Variants in DNAH2 observed in about 807,000 individuals in gnomAD.
DNAH2 encodes the protein dynein axonemal heavy chain 2.
A neutral mutation model predicts 523.5 loss-of-function variants in DNAH2; 323 were observed. The ratio of observed to expected loss-of-function variants is 0.62; its 90% CI spans 0.56 to 0.68. The LOEUF (loss-of-function observed/expected upper bound fraction) is 0.68. Ranked by LOEUF, DNAH2 falls within the 30% of genes least tolerant of loss-of-function variation. The pLI is 0.00. For synonymous variants in DNAH2, 2,093 were observed against 2,177.4 expected, an observed-to-expected ratio of 0.96 and a Z score of 1.08; for missense variants, 4,907 against 5,701.5, an observed-to-expected ratio of 0.86 and a Z score of 4.49.
chr17:7,739,338 G>A (rs1056256135), intron 8 of DNAH2, among the ~76,000 whole-genome samples: 4 of 152,104 alleles, frequency 2.6e-5, no homozygotes, highest in African/African-American at 4.8e-5. Flanking sequence ...CCCGGGAAGC[G>A]GAGGTTGCAG....
chr17:7,772,228 A>G (rs2076338235), intron 28 of DNAH2, among the ~76,000 whole-genome samples: 1 of 151,804 alleles, frequency 6.6e-6, no homozygotes, highest in South Asian at 2.1e-4. Flanking sequence ...GGTGCAGAGG[A>G]CCTCTTTATT....
intron 7 of DNAH2, among the ~76,000 whole-genome samples, chr17:7,736,349 C>G (rs1381697008): frequency 1.3e-5 from 2 of 152,144 alleles, no homozygotes; most frequent in African/African-American, 4.8e-5. Flanking sequence ...GAGCCTAAAG[C>G]CCTGGCTGAG....
chr17:7,805,913 C>A (rs2077355076), intron 61 of DNAH2, among the ~76,000 whole-genome samples: 2 of 152,080 alleles, frequency 1.3e-5, no homozygotes, highest in Admixed American at 1.3e-4. Context: ...TACAAAGTTA[C>A]CTATTTCTTT....
At position 7,734,240 on chromosome 17, in the gene DNAH2, A is replaced by G; in HGVS notation, c.686A>G (p.Asn229Ser). The G allele has an allele frequency of 2.5e-6, 4 of 1,607,558 alleles. No homozygotes were observed. The highest frequency in any genetic ancestry group is 3.4e-6 in the Non-Finnish European group (4 of 1,176,820). ...TVLYIPAEAM[N>S]MKPEMVIKDK... ...CTCTACATCCCTGCAGAGGCCATGA[A>G]CATGAAGCCTGAGATGGTGATAAAG... The change falls in exon 6 of 86, where the codon AAC (asparagine) becomes AGC (serine). Residue 229 changes from asparagine to serine, a missense_variant. Transcript: ENST00000572933.
intron 44 of DNAH2, among the ~76,000 whole-genome samples, chr17:7,789,376 C>A: frequency 6.6e-6 from 1 of 152,086 alleles, no homozygotes; most frequent in East Asian, 1.9e-4. Flanking sequence ...AGCTGGTGGT[C>A]TGTAGCCGGA....
rs1280761876 is a variant in DNAH2, at chr17:7,821,702, G to A, written c.11142+333G>A. Among the ~76,000 whole-genome samples, 1 of 152,040 alleles carries A rather than the reference G, an allele frequency of 6.6e-6. No homozygotes were observed. Among genetic ancestry groups the A allele is most frequent in the Non-Finnish European group, 1.5e-5 (1 of 67,994 alleles). On this transcript the variant is annotated intron_variant, in intron 73 of 85. Coordinates refer to ENST00000572933, the MANE Select transcript of DNAH2 (RefSeq NM_020877.5). This position sits in a 1 kb window ranked among gnomAD's most constrained non-coding sequence, Gnocchi z 5.0. ...TCGCCCTCACAATCTCTCCCTCACAGGCTCCTCAACCCCAGCTTTTCTCCT... is the reference window on the plus strand; with the variant it reads ...TCGCCCTCACAATCTCTCCCTCACAAGCTCCTCAACCCCAGCTTTTCTCCT...
intron 12 of DNAH2, among the ~76,000 whole-genome samples, chr17:7,751,816 T>C (rs2151179446): frequency 6.6e-6 from 1 of 152,278 alleles, no homozygotes; most frequent in South Asian, 2.1e-4. Flanking sequence ...GTTCCAAAAA[T>C]AGTCTCATTC....
At position 7,776,898 on chromosome 17, in the gene DNAH2, C is replaced by T; in HGVS notation, c.5058+9C>T. ...TCATGAAGAAGAACCAGGTGAGAGGCTGGGCGCACTGGCTCATGCTTGTAA... is the reference window on the plus strand; with the variant it reads ...TCATGAAGAAGAACCAGGTGAGAGGTTGGGCGCACTGGCTCATGCTTGTAA... On this transcript the variant is annotated intron_variant, in intron 32 of 85. Coordinates refer to ENST00000572933, the MANE Select transcript of DNAH2 (RefSeq NM_020877.5). 1 of 1,599,794 alleles carries T rather than the reference C, an allele frequency of 6.3e-7. No individual in the cohort carries two copies.
chr17:7,815,177 T>A (rs9907759), intron 63 of DNAH2, among the ~76,000 whole-genome samples: 1 of 152,044 alleles, frequency 6.6e-6, no homozygotes, highest in South Asian at 2.1e-4. Context: ...AGTGCTTGGG[T>A]CAGGTAGTGC....
At position 7,831,089 on chromosome 17, in the gene DNAH2, G is replaced by T. The variant is rs760455038; in HGVS notation, c.12234G>T (p.Leu4078Phe). ...DQSLSTPFHR[L>F]SALETYFIPK... ...TAATTATGCTATGACTCCCTAGGTT[G>T]TCAGCACTGGAGACTTATTTCATCC... Residue 4078 changes from leucine to phenylalanine, a missense_variant, in exon 80 of 86, where the codon TTG becomes TTT. Leu to Phe is a conservative substitution (Grantham distance 22, BLOSUM62 0). Around this residue, in one of 3 missense-constraint regions of DNAH2, gnomAD observed 1,851 missense variants for 2,139.4 expected, o/e 0.87. Transcript: ENST00000572933. The surrounding 1 kb of genome is among the most constrained non-coding windows in gnomAD (Gnocchi z 4.2). The T allele has an allele frequency of 1.1e-5, 17 of 1,612,824 alleles. No homozygotes were observed. The East Asian group carries it at 3.6e-4, about 34-fold the overall frequency.
At chr17:7,723,239 G>A (rs1340962475) in intron 2 of DNAH2, among the ~76,000 whole-genome samples, 1 of 141,704 alleles carries the variant, frequency 7.1e-6, no homozygotes, top group East Asian at 2.1e-4. Context: ...CAAAGTGCTG[G>A]GATTACAGGT....
chr17:7,759,091 C>A lies in DNAH2; in HGVS notation c.2415C>A (p.Asn805Lys), dbSNP rs775212262. Residue 805 changes from asparagine (N) to lysine (K), a missense_variant, in exon 15 of 86, where the codon AAC (asparagine) becomes AAA (lysine). Around this residue, in one of 3 missense-constraint regions of DNAH2, gnomAD observed 2,806 missense variants for 3,190.8 expected, o/e 0.88. Coordinates refer to ENST00000572933, the MANE Select transcript of DNAH2 (RefSeq NM_020877.5). ...AGGATGTGGTGACCATCATGACCAACTCCTATGAGGTCTTCAAGAATGATG... is the reference window on the plus strand; with the variant it reads ...AGGATGTGGTGACCATCATGACCAAATCCTATGAGGTCTTCAAGAATGATG... ...LHQDVVTIMT[N>K]SYEVFKNDGP... 6.2e-7 allele frequency: 1 copy of A among 1,614,190 alleles called. No homozygotes were observed. Among genetic ancestry groups the A allele is most frequent in the South Asian group, 1.1e-5 (1 of 91,078 alleles).
rs762091263 is a variant in DNAH2, at chr17:7,758,971, CATT to C, written c.2297_2299del (p.Ile766del). 36 of 1,614,016 alleles carry C rather than the reference CATT, an allele frequency of 2.2e-5. No individual in the cohort carries two copies. Among genetic ancestry groups the C allele is most frequent in the Non-Finnish European group, 2.5e-6 (3 of 1,180,024 alleles). On this transcript the variant is annotated inframe_deletion, in exon 15 of 86. Transcript: ENST00000572933. The stretch of plus-strand genomic sequence containing the variant: ...AGATGTCAGAGAAGCTGCTGGTACG[CATT>C]AGTGGCAAACGGGTATACAGGGACC...
chr17:7,783,316 A>G (rs2076651777), intron 39 of DNAH2, among the ~76,000 whole-genome samples: 1 of 152,032 alleles, frequency 6.6e-6, no homozygotes, highest in Non-Finnish European at 1.5e-5. Context: ...ACCTCAGGTG[A>G]TCCGCCTGCC....
rs181896290 is a variant in DNAH2 at position 7,777,775 on chromosome 17, A to G, written c.5247+141A>G. 5,503 of 1,092,224 alleles carry G rather than the reference A, an allele frequency of 5.0e-3. 162 individuals carry two copies. The African/African-American group carries it at 0.067, about 13-fold the overall frequency. 67.7% of individuals were successfully genotyped at this position (1,092,224 alleles called of 1,614,324 possible). ...CTACCCTAATCCGGTTCTTCCTTCC[A>G]TCTCCTCCCCACAATCAGGAGTGGC... On this transcript the variant is annotated intron_variant, in intron 33 of 85. Coordinates refer to ENST00000572933, the MANE Select transcript of DNAH2 (RefSeq NM_020877.5).
At chr17:7,729,851 CCTTTCA>C (rs1275913282) in intron 4 of DNAH2, among the ~76,000 whole-genome samples, 1 of 152,162 alleles carries the variant, frequency 6.6e-6, no homozygotes, top group East Asian at 1.9e-4. Context: ...AACACCCAAC[CCTTTCA>C]CTTTAACTTC....
In DNAH2 at chr17:7,822,811, GTAAA is replaced by G. The variant is rs568851452; in HGVS notation, c.11143-628_11143-625del. On this transcript the variant is annotated intron_variant, in intron 73 of 85. Transcript: ENST00000572933. Reference sequence around the variant, plus strand: ...AATAAGCAAGTGAGTGAATGAATGAGTAAATAGTTTGTGCTTCTGTGAAGGTGAG... The same window carrying G: ...AATAAGCAAGTGAGTGAATGAATGAGTAGTTTGTGCTTCTGTGAAGGTGAG... Among the ~76,000 whole-genome samples, 153 of 152,312 alleles carry G rather than the reference GTAAA, an allele frequency of 1.0e-3. 2 individuals carry two copies. Among genetic ancestry groups the G allele is most frequent in the Admixed American group, 9.0e-3 (137 of 15,294 alleles).
At chr17:7,742,729 GC>G (rs2075388098) in intron 11 of DNAH2, among the ~76,000 whole-genome samples, 198 bp from the exon 12 acceptor site, 1 of 151,986 alleles carries the variant, frequency 6.6e-6, no homozygotes. Flanking sequence ...TTCTCATTGC[GC>G]CTTGGTCTCT....
rs149352038 is a variant in DNAH2, at chr17:7,832,729, C to T, written c.12877C>T (p.Leu4293=). The change falls in exon 83 of 86, where the codon CTG becomes TTG. Residue 4293 remains leucine (L), a synonymous_variant. Transcript: ENST00000572933. The surrounding 1 kb of genome is among the most constrained non-coding windows in gnomAD (Gnocchi z 4.3). ...TCCCACTGGCTTCCTCACTGCTGTGCTGCAGTCTTCAGCTCGCCAAAACAA... is the reference window on the plus strand; with the variant it reads ...TCCCACTGGCTTCCTCACTGCTGTGTTGCAGTCTTCAGCTCGCCAAAACAA... ...TFPTGFLTAV[L]QSSARQNNVS... 25 of 1,614,078 alleles carry T rather than the reference C, an allele frequency of 1.5e-5. No homozygotes were observed. In the African/African-American group the frequency reaches 3.3e-4, roughly 22 times the overall value.
Sources: allele counts gnomAD v4.1 joint callset (sites outside exome capture counted in the v4.1 genomes callset), GRCh38; gene constraint gnomAD v4.1.1; regional missense constraint gnomAD v4.1.1; non-coding constraint Gnocchi (gnomAD v3.1); transcripts MANE v1.5; gene names NCBI Gene and HGNC (gene_info 2026-07-23, HGNC 2026-07-21).